Variants in LRMDA observed in about 807,000 individuals in gnomAD.
The protein encoded by LRMDA is leucine-rich melanocyte differentiation-associated protein.
Under a neutral mutation model 29.8 loss-of-function variants are expected in LRMDA, and 18 were observed. The observed-to-expected ratio is 0.60, with a 90% CI of 0.42 to 0.90. The LOEUF (loss-of-function observed/expected upper bound fraction) is 0.90. LRMDA is among the 40% of genes least tolerant of loss of function. The probability of loss-of-function intolerance (pLI) is 0.00; values close to 1 mark genes in which losing one functional copy is unlikely to be tolerated. For missense variants in LRMDA, 273 were observed against 273.9 expected, an observed-to-expected ratio of 1.00 and a Z score of 0.02; for synonymous variants, 125 against 109.4, an observed-to-expected ratio of 1.14 and a Z score of -0.89.
At chr10:75,442,082 G>T (rs969749553) in intron 2 of LRMDA, among the ~76,000 whole-genome samples, 2 of 152,196 alleles carry the variant, frequency 1.3e-5, no homozygotes, top group African/African-American at 4.8e-5. Context: ...ATCTTCCAGA[G>T]ATATTCCATG....
chr10:76,156,613 G>A (rs897585336), intron 5 of LRMDA, among the ~76,000 whole-genome samples: 7 of 152,136 alleles, frequency 4.6e-5, no homozygotes, highest in Admixed American at 2.6e-4. Flanking sequence ...CTCCATGCCT[G>A]GCAGTCCCTG....
intron 6 of LRMDA, among the ~76,000 whole-genome samples, chr10:76,353,330 T>TTGTGTG (rs3998122): frequency 0.018 from 2,569 of 146,240 alleles, 25 homozygotes; most frequent in Middle Eastern, 0.024. Context: ...AGCTGTGGAG[T>TTGTGTG]TGTGTGTGTG....
At chr10:76,395,630 T>C (rs1432636291) in intron 6 of LRMDA, among the ~76,000 whole-genome samples, 1 of 152,224 alleles carries the variant, frequency 6.6e-6, no homozygotes, top group Admixed American at 6.5e-5. Flanking sequence ...CTTTTTCTTT[T>C]CTCTGTTGTG....
chr10:76,408,774 A>C (rs1841928471), intron 6 of LRMDA, among the ~76,000 whole-genome samples: 1 of 151,886 alleles, frequency 6.6e-6, no homozygotes, highest in South Asian at 2.1e-4. Context: ...TTCCACCTCC[A>C]CTGCTGGGCA....
At chr10:76,260,562 A>G (rs1184562688) in intron 5 of LRMDA, among the ~76,000 whole-genome samples, 1 of 152,102 alleles carries the variant, frequency 6.6e-6, no homozygotes, top group Non-Finnish European at 1.5e-5. Context: ...TATTAATGTA[A>G]TGAGAGTTCC....
At chr10:76,114,485 A>T (rs1341613937) in intron 5 of LRMDA, among the ~76,000 whole-genome samples, 2 of 152,168 alleles carry the variant, frequency 1.3e-5, no homozygotes, top group Non-Finnish European at 2.9e-5. Flanking sequence ...CCATCCTGGA[A>T]CTCTGGCAAT....
chr10:75,941,486 C>T (rs567112948), intron 2 of LRMDA, among the ~76,000 whole-genome samples: 52 of 152,178 alleles, frequency 3.4e-4, no homozygotes, highest in African/African-American at 1.1e-3. Flanking sequence ...TTGGTGTTGG[C>T]GCCATGGTTT....
At chr10:75,489,910 A>G (rs1182078736) in intron 2 of LRMDA, among the ~76,000 whole-genome samples, 4 of 152,200 alleles carry the variant, frequency 2.6e-5, no homozygotes, top group African/African-American at 9.7e-5. Context: ...TTTACTATGT[A>G]TCAGGTACTG....
intron 6 of LRMDA, chr10:76,556,611 C>G (rs1467921424): frequency 1.3e-5 from 2 of 152,558 alleles, no homozygotes; most frequent in Non-Finnish European, 2.9e-5. Flanking sequence ...CCTCGGCCTC[C>G]CAAAGTGCTG....
intron 6 of LRMDA, among the ~76,000 whole-genome samples, chr10:76,533,229 A>C (rs2132375847): frequency 6.6e-6 from 1 of 152,294 alleles, no homozygotes; most frequent in South Asian, 2.1e-4. Context: ...ATATTATTGA[A>C]TCTGTCCTAA....
intron 2 of LRMDA, among the ~76,000 whole-genome samples, chr10:75,478,925 C>T (rs1844826232): frequency 1.3e-5 from 2 of 152,194 alleles, no homozygotes; most frequent in African/African-American, 4.8e-5. Flanking sequence ...CATGTACATC[C>T]TCTGTGTACC....
chr10:75,458,859 C>T (rs1302673437), intron 2 of LRMDA, among the ~76,000 whole-genome samples: 2 of 152,144 alleles, frequency 1.3e-5, no homozygotes, highest in Admixed American at 1.3e-4. Flanking sequence ...ATAGACCTTG[C>T]AAGGAGCAAG....
At chr10:76,444,613 A>T (rs545064406) in intron 6 of LRMDA, among the ~76,000 whole-genome samples, 1 of 152,298 alleles carries the variant, frequency 6.6e-6, no homozygotes, top group South Asian at 2.1e-4. Flanking sequence ...TGGTGTGGTT[A>T]CACAACCAGC....
chr10:75,842,191 A>G (rs1037798274), intron 2 of LRMDA, among the ~76,000 whole-genome samples: 3 of 152,268 alleles, frequency 2.0e-5, no homozygotes, highest in African/African-American at 7.2e-5. Flanking sequence ...GAGAAAAATC[A>G]GAAGAATACT....
chr10:76,282,116 C>T (rs1408905955), intron 5 of LRMDA, among the ~76,000 whole-genome samples: 9 of 152,130 alleles, frequency 5.9e-5, no homozygotes, highest in Non-Finnish European at 1.0e-4. Context: ...GTAAATCTGT[C>T]GGCAGCTGGT....
At chr10:75,845,479 C>T (rs1171524764) in intron 2 of LRMDA, among the ~76,000 whole-genome samples, 1 of 152,212 alleles carries the variant, frequency 6.6e-6, no homozygotes, top group African/African-American at 2.4e-5. Context: ...TCCCTGGCTT[C>T]TGTGTCCCTC....
chr10:76,457,731 G>A (rs1468703486), intron 6 of LRMDA, among the ~76,000 whole-genome samples: 2 of 152,194 alleles, frequency 1.3e-5, no homozygotes, highest in East Asian at 3.9e-4. Context: ...CAGAAATATA[G>A]AAACAACAAG....
intron 2 of LRMDA, among the ~76,000 whole-genome samples, chr10:75,882,434 G>A (rs1251992484): frequency 6.6e-6 from 1 of 152,110 alleles, no homozygotes; most frequent in African/African-American, 2.4e-5. Flanking sequence ...AAGGTGTTTG[G>A]CATAGAAATG....
chr10:76,007,025 T>TGTGTGTGCGC (rs1564628433), intron 2 of LRMDA, among the ~76,000 whole-genome samples: 2 of 27,540 alleles, frequency 7.3e-5, no homozygotes, highest in Non-Finnish European at 2.2e-4. Flanking sequence ...TGTGTGTGTG[T>TGTGTGTGCGC]GTGTGTGCGC....
Sources: allele counts gnomAD v4.1 joint callset (sites outside exome capture counted in the v4.1 genomes callset), GRCh38; gene constraint gnomAD v4.1.1; transcripts MANE v1.5; gene names NCBI Gene and HGNC (gene_info 2026-07-23, HGNC 2026-07-21).